The following TNR variants were observed in gnomAD, a reference collection of about 807,000 sequenced individuals.
TNR encodes tenascin-R.
TNR carries 45 observed loss-of-function variants against 150.4 expected under a neutral mutation model. That is an observed-to-expected ratio of 0.30 (90% confidence interval 0.24 to 0.38). TNR has a LOEUF of 0.38. Among genes scored for constraint, TNR ranks in the 10% least tolerant of loss-of-function variants. TNR has a pLI of 1.00. For synonymous variants in TNR, 687 were observed against 678.4 expected (o/e 1.01, Z -0.20); for missense variants, 1,544 against 1,759.1 (o/e 0.88, Z 2.19).
rs537963141 is a variant in TNR, at chr1:175,571,529, C to T, written c.-164-43160G>A. Among the ~76,000 whole-genome samples the T allele has an allele frequency of 2.6e-5, 4 of 152,364 alleles. No individual in the cohort carries two copies. The South Asian group carries it at 6.2e-4, about 24-fold the overall frequency. The stretch of plus-strand genomic sequence containing the variant: ...GGCAAGTGCCCCAGAGCTTATACTG[C>T]TAACCTGTATGCTAAAACCCTTCCA... On this transcript the variant is annotated intron_variant, in intron 1 of 22. Transcript: ENST00000367674.
intron 1 of TNR, among the ~76,000 whole-genome samples, chr1:175,636,073 C>T (rs372304901): frequency 4.6e-5 from 7 of 152,204 alleles, no homozygotes; most frequent in African/African-American, 1.7e-4. Flanking sequence ...CCTACTATTC[C>T]CTCTACCTGA....
intron 1 of TNR, among the ~76,000 whole-genome samples, chr1:175,602,034 C>G (rs1354223219): frequency 6.6e-6 from 1 of 152,008 alleles, no homozygotes; most frequent in African/African-American, 2.4e-5. Context: ...TCTGGGGAGA[C>G]TTAGCATGCA....
chr1:175,371,392 T>G (rs185263009), intron 9 of TNR, among the ~76,000 whole-genome samples: 1 of 152,214 alleles, frequency 6.6e-6, no homozygotes, highest in Non-Finnish European at 1.5e-5. Context: ...AGCACAGTCA[T>G]ACATTCAACA....
intron 2 of TNR, among the ~76,000 whole-genome samples, chr1:175,480,746 T>G: frequency 6.6e-6 from 1 of 152,168 alleles, no homozygotes; most frequent in Non-Finnish European, 1.5e-5. Flanking sequence ...TCAGAACATA[T>G]CCTCCAAAGC....
At chr1:175,654,706 C>G (rs185608091) in intron 1 of TNR, among the ~76,000 whole-genome samples, 3 of 147,504 alleles carry the variant, frequency 2.0e-5, no homozygotes, top group Admixed American at 6.8e-5. Context: ...CTATCTCCAA[C>G]AAAAGTTCCC....
intron 1 of TNR, among the ~76,000 whole-genome samples, chr1:175,622,904 T>C (rs1664027125): frequency 6.6e-6 from 1 of 152,162 alleles, no homozygotes; most frequent in African/African-American, 2.4e-5. Context: ...CATGGGGTTG[T>C]CCCTGGTGCC....
intron 1 of TNR, among the ~76,000 whole-genome samples, chr1:175,605,125 G>A (rs1042126452): frequency 1.3e-5 from 2 of 152,202 alleles, no homozygotes; most frequent in African/African-American, 4.8e-5. Context: ...CAGGCAGCCA[G>A]GCTGCACATC....
intron 2 of TNR, among the ~76,000 whole-genome samples, chr1:175,482,538 G>A (rs1657854818): frequency 6.6e-6 from 1 of 152,184 alleles, no homozygotes; most frequent in African/African-American, 2.4e-5. Flanking sequence ...ACAGGCCAAA[G>A]AGGAACATGC....
At chr1:175,347,233 A>G (rs1007684938) in intron 18 of TNR, among the ~76,000 whole-genome samples, 7 of 152,284 alleles carry the variant, frequency 4.6e-5, no homozygotes, top group Middle Eastern at 6.8e-3. Flanking sequence ...AGGTATTATA[A>G]AAACCATTTG....
intron 1 of TNR, among the ~76,000 whole-genome samples, chr1:175,704,227 T>C (rs1398158438): frequency 6.6e-6 from 1 of 152,230 alleles, no homozygotes; most frequent in Non-Finnish European, 1.5e-5. Context: ...ACGTGGATTT[T>C]ACCATAATAA....
chr1:175,534,828 T>C (rs1660206599), intron 1 of TNR, among the ~76,000 whole-genome samples: 1 of 152,202 alleles, frequency 6.6e-6, no homozygotes, highest in African/African-American at 2.4e-5. Context: ...TCAAGGACAC[T>C]ACCAGGTGGA....
chr1:175,341,318 A>G (rs545211832), intron 18 of TNR, among the ~76,000 whole-genome samples: 10 of 152,328 alleles, frequency 6.6e-5, no homozygotes, highest in Admixed American at 5.9e-4. Flanking sequence ...CAATAACTGG[A>G]GCCTAGACCG....
chr1:175,496,522 G>A (rs1368337919), intron 2 of TNR, among the ~76,000 whole-genome samples: 1 of 152,196 alleles, frequency 6.6e-6, no homozygotes, highest in Non-Finnish European at 1.5e-5. Context: ...GTCTTGCTGG[G>A]ATCTGGGAAT....
chr1:175,458,105 A>G (rs537457588), intron 2 of TNR, among the ~76,000 whole-genome samples: 170 of 152,378 alleles, frequency 1.1e-3, no homozygotes, highest in Non-Finnish European at 1.9e-3. Flanking sequence ...AGTGCTGAGC[A>G]CAGAGCCTGG....
chr1:175,579,279 A>G (rs1662255440), intron 1 of TNR, among the ~76,000 whole-genome samples: 1 of 151,728 alleles, frequency 6.6e-6, no homozygotes, highest in South Asian at 2.1e-4. Flanking sequence ...CTAAGCATTT[A>G]GCCATCATTA....
At chr1:175,602,020 A>T (rs980459795) in intron 1 of TNR, among the ~76,000 whole-genome samples, 2 of 151,994 alleles carry the variant, frequency 1.3e-5, no homozygotes, top group Admixed American at 1.3e-4. Flanking sequence ...GAGATCAAAA[A>T]CCATCTGGGG....
chr1:175,667,846 G>A (rs1665576915), intron 1 of TNR, among the ~76,000 whole-genome samples: 1 of 152,156 alleles, frequency 6.6e-6, no homozygotes, highest in South Asian at 2.1e-4. Flanking sequence ...TGCCCCAGCT[G>A]GTGGGAATGG....
intron 20 of TNR, among the ~76,000 whole-genome samples, chr1:175,331,180 TCC>T (rs1557868683): frequency 1.1e-4 from 7 of 60,886 alleles, no homozygotes; most frequent in Admixed American, 2.3e-4. Context: ...CTTCCTTCCT[TCC>T]TTCCTTCCTT....
intron 1 of TNR, among the ~76,000 whole-genome samples, chr1:175,590,243 A>G (rs1252028634): frequency 6.6e-6 from 1 of 152,232 alleles, no homozygotes; most frequent in Non-Finnish European, 1.5e-5. Context: ...TCATTATTGT[A>G]TGTCTATATC....
Sources: gnomAD v4.1 joint callset for allele counts (sites outside exome capture counted in the v4.1 genomes callset) on GRCh38, gnomAD v4.1.1 for gene constraint, MANE v1.5 for transcripts, NCBI Gene and HGNC (gene_info 2026-07-23, HGNC 2026-07-21) for gene names.